The following LY96 variants were observed in gnomAD, a reference collection of about 807,000 sequenced individuals.
The protein encoded by LY96 is lymphocyte antigen 96.
In LY96, 18 loss-of-function variants were observed where a neutral mutation model predicts 18.9. The observed-to-expected ratio is 0.95, with a 90% CI of 0.66 to 1.41. The LOEUF (loss-of-function observed/expected upper bound fraction) is 1.41, where lower values mean the gene tolerates loss of function less well. Among genes scored for constraint, LY96 ranks in the 40% most tolerant of loss-of-function variants. The pLI, the probability that LY96 is intolerant of heterozygous loss-of-function variation, is 0.00. For missense variants in LY96, 175 were observed against 182.4 expected (o/e 0.96, Z 0.23); for synonymous variants, 66 against 62.6 (o/e 1.06, Z -0.26).
At position 73,991,432 on chromosome 8, in the gene LY96, G is replaced by A; in HGVS notation, c.-11G>A. ...CTCTTTGCATTTGTAAAGCTTTGGA[G>A]ATATTGAATCATGTTACCATTTCTG... On this transcript the variant is annotated 5_prime_UTR_variant, in exon 1 of 5. Transcript: ENST00000284818. 7.1e-6 allele frequency: 10 copies of A among 1,410,238 alleles called. No individual in the cohort carries two copies. Among genetic ancestry groups the A allele is most frequent in the Non-Finnish European group, 1.0e-5 (10 of 994,450 alleles). 87.4% of individuals were successfully genotyped at this position (1,410,238 alleles called of 1,614,324 possible). A position where few individuals can be genotyped will look rare whatever the true frequency, so the allele number is the denominator to read the frequency against.
At chr8:74,068,159 ATC>A in the LY96 span, among the ~76,000 whole-genome samples, 1 of 148,974 alleles carries the variant, frequency 6.7e-6, no homozygotes, top group East Asian at 1.9e-4. Flanking sequence ...GCATCTGCCA[ATC>A]TGGGTCCAAG....
At chr8:74,029,860 A>C (rs1459627203), downstream of LY96, among the ~76,000 whole-genome samples, 6 of 152,136 alleles carry the variant, frequency 3.9e-5, no homozygotes, top group African/African-American at 1.4e-4. Flanking sequence ...GGGTTTCACC[A>C]TATTGGTCAG....
intron 3 of LY96, among the ~76,000 whole-genome samples, chr8:74,020,413 T>C (rs1437766227): frequency 6.6e-6 from 1 of 151,852 alleles, no homozygotes; most frequent in Non-Finnish European, 1.5e-5. Flanking sequence ...CCCAACGAAA[T>C]AAAAGAGGAC....
At chr8:74,000,880 T>A (rs1816248721) in intron 1 of LY96, among the ~76,000 whole-genome samples, 1 of 152,172 alleles carries the variant, frequency 6.6e-6, no homozygotes. Context: ...AAAGGGCACT[T>A]GTCAGGGGTG....
intron 3 of LY96, among the ~76,000 whole-genome samples, chr8:74,014,735 T>C (rs977507686): frequency 6.6e-6 from 1 of 151,960 alleles, no homozygotes; most frequent in African/African-American, 2.4e-5. Context: ...ATAAAAGTTA[T>C]ACATCTTTAT....
chr8:74,049,001 C>T, the LY96 span, among the ~76,000 whole-genome samples: 3 of 152,140 alleles, frequency 2.0e-5, no homozygotes, highest in Admixed American at 6.5e-5. Flanking sequence ...TAGCTGTGTA[C>T]CTGGAGCTCT....
chr8:74,047,647 G>A, the LY96 span, among the ~76,000 whole-genome samples: 5 of 152,142 alleles, frequency 3.3e-5, no homozygotes, highest in Non-Finnish European at 5.9e-5. Flanking sequence ...CTGGCTTTGC[G>A]TCCTGGCTCA....
At chr8:74,014,858 T>C (rs990573355) in intron 3 of LY96, among the ~76,000 whole-genome samples, 19 of 151,672 alleles carry the variant, frequency 1.3e-4, no homozygotes, top group Middle Eastern at 3.2e-3. Flanking sequence ...TATATCTGTT[T>C]CTCTCAAAAA....
chr8:74,070,078 T>C, the LY96 span, among the ~76,000 whole-genome samples: 1 of 151,976 alleles, frequency 6.6e-6, no homozygotes, highest in Non-Finnish European at 1.5e-5. Context: ...CTTAAATCTT[T>C]CCCTTTGCCA....
the LY96 span, among the ~76,000 whole-genome samples, chr8:74,037,976 C>T: frequency 6.6e-6 from 1 of 152,092 alleles, no homozygotes; most frequent in Non-Finnish European, 1.5e-5. Context: ...GCCTAGGGTC[C>T]TCAAAAATGT....
chr8:74,015,857 C>T (rs4738414), intron 3 of LY96, among the ~76,000 whole-genome samples: 36,925 of 152,152 alleles, frequency 0.24, 5,226 homozygotes, highest in African/African-American at 0.39. Context: ...GGCAAAGCTT[C>T]AAGCTAACTT....
At chr8:74,073,685 A>T in the LY96 span, among the ~76,000 whole-genome samples, 1 of 150,378 alleles carries the variant, frequency 6.6e-6, no homozygotes, top group African/African-American at 2.5e-5. Context: ...TTATTTTGAG[A>T]CGGAGTCTTG....
At chr8:74,076,413 T>G in the LY96 span, among the ~76,000 whole-genome samples, 6 of 151,730 alleles carry the variant, frequency 4.0e-5, no homozygotes, top group Non-Finnish European at 8.8e-5. Context: ...GACCTCCGCC[T>G]CCCGGGTTCA....
At chr8:74,047,409 G>A in the LY96 span, among the ~76,000 whole-genome samples, 53 of 152,330 alleles carry the variant, frequency 3.5e-4, no homozygotes, top group East Asian at 9.6e-3. Context: ...ATGGGTAGAC[G>A]TGGAGGCAGA....
At chr8:74,039,152 C>T in the LY96 span, among the ~76,000 whole-genome samples, 1 of 152,106 alleles carries the variant, frequency 6.6e-6, no homozygotes, top group South Asian at 2.1e-4. Context: ...TTCATATGGC[C>T]TGTTTAACAT....
At chr8:74,074,231 C>T in the LY96 span, among the ~76,000 whole-genome samples, 2 of 152,154 alleles carry the variant, frequency 1.3e-5, no homozygotes, top group Admixed American at 1.3e-4. Context: ...AACTCCTGAC[C>T]TCAAGTAATC....
chr8:74,062,018 C>A, the LY96 span, among the ~76,000 whole-genome samples: 1 of 152,180 alleles, frequency 6.6e-6, no homozygotes, highest in Non-Finnish European at 1.5e-5. Context: ...AATGAGCATG[C>A]CCATGTAACC....
At chr8:74,063,529 C>T in the LY96 span, among the ~76,000 whole-genome samples, 2 of 151,968 alleles carry the variant, frequency 1.3e-5, no homozygotes, top group African/African-American at 2.4e-5. Flanking sequence ...CAAATATTTT[C>T]TCCTAGTCTG....
At chr8:73,998,975 A>T (rs1311003654) in intron 1 of LY96, among the ~76,000 whole-genome samples, 2 of 146,712 alleles carry the variant, frequency 1.4e-5, no homozygotes, top group East Asian at 2.0e-4. Context: ...GCTTGTTATA[A>T]TTTTTTTTTT....
Sources: allele counts gnomAD v4.1 joint callset (sites outside exome capture counted in the v4.1 genomes callset), GRCh38; gene constraint gnomAD v4.1.1; transcripts MANE v1.5; gene names NCBI Gene and HGNC (gene_info 2026-07-23, HGNC 2026-07-21).